ZNF521: variants seen among roughly 807,000 people sequenced by gnomAD.
The protein encoded by ZNF521 is LYST-interacting protein 3.
ZNF521 carries 14 observed loss-of-function variants against 105.5 expected under a neutral mutation model. That is an observed-to-expected ratio of 0.13 (90% confidence interval 0.09 to 0.21). The LOEUF (loss-of-function observed/expected upper bound fraction) is 0.21. ZNF521 is among the 10% of genes least tolerant of loss of function. The pLI, the probability that ZNF521 is intolerant of heterozygous loss-of-function variation, is 1.00. For missense variants in ZNF521, 1,233 were observed against 1,629.7 expected (o/e 0.76, Z 4.19); for synonymous variants, 635 against 606.0 (o/e 1.05, Z -0.70).
chr18:25,100,690 A>G (rs1188736937), intron 5 of ZNF521, among the ~76,000 whole-genome samples: 5 of 152,202 alleles, frequency 3.3e-5, no homozygotes, highest in Non-Finnish European at 7.4e-5. Context: ...TTAAAAAAAA[A>G]AAAGGTAATG....
At chr18:25,083,340 C>T (rs141309220) in intron 7 of ZNF521, among the ~76,000 whole-genome samples, 5 of 152,278 alleles carry the variant, frequency 3.3e-5, no homozygotes, top group African/African-American at 4.8e-5. Flanking sequence ...AAATTATTCT[C>T]GTAAGCTAGA....
At chr18:25,239,518 T>C (rs1351743701) in intron 3 of ZNF521, among the ~76,000 whole-genome samples, 1 of 152,174 alleles carries the variant, frequency 6.6e-6, no homozygotes, top group East Asian at 1.9e-4. Flanking sequence ...AGAAAGAAGG[T>C]TGTCACAAAA....
chr18:25,180,999 T>G (rs28508183), intron 5 of ZNF521, among the ~76,000 whole-genome samples: 26,694 of 152,094 alleles, frequency 0.18, 2,483 homozygotes, highest in East Asian at 0.34. Flanking sequence ...TCAGCAGGTT[T>G]ACTCCAGATT....
intron 5 of ZNF521, among the ~76,000 whole-genome samples, chr18:25,142,822 T>C (rs959936020): frequency 2.0e-5 from 3 of 152,208 alleles, no homozygotes; most frequent in Non-Finnish European, 4.4e-5. Context: ...TGATAATTTC[T>C]ATTAGTTTTA....
chr18:25,114,578 A>G (rs1313347612), intron 5 of ZNF521, among the ~76,000 whole-genome samples: 2 of 152,358 alleles, frequency 1.3e-5, no homozygotes, highest in South Asian at 4.1e-4. Flanking sequence ...GTCACAAATC[A>G]TAGTCCTTTT....
chr18:25,238,916 C>A (rs1907114712), intron 3 of ZNF521, among the ~76,000 whole-genome samples: 1 of 152,156 alleles, frequency 6.6e-6, no homozygotes, highest in African/African-American at 2.4e-5. Flanking sequence ...TGAGTCTTCA[C>A]CTGCATTCCC....
intron 4 of ZNF521, 92 bp from the exon 5 acceptor site, chr18:25,195,336 A>G: frequency 9.7e-7 from 1 of 1,027,512 alleles, no homozygotes; most frequent in South Asian, 1.5e-5. Context: ...TGCTGATCTT[A>G]CCTATGTTGC....
intron 4 of ZNF521, among the ~76,000 whole-genome samples, chr18:25,210,732 C>T (rs1019937790): frequency 1.3e-5 from 2 of 152,168 alleles, no homozygotes; most frequent in East Asian, 3.9e-4. Context: ...AAGTAACTAA[C>T]CGGGGACCCA....
At chr18:25,195,992 T>A (rs914291151) in intron 4 of ZNF521, among the ~76,000 whole-genome samples, 2 of 151,770 alleles carry the variant, frequency 1.3e-5, no homozygotes, top group Non-Finnish European at 3.0e-5. Flanking sequence ...GAAATACTTT[T>A]GATTCTAAAT....
rs116142901 is a variant in ZNF521, at chr18:25,227,047, C to T, written c.871G>A (p.Val291Ile). The change falls in exon 4 of 8, where the codon GTA becomes ATA. Residue 291 changes from valine to isoleucine, a missense_variant. Val to Ile is a conservative substitution (Grantham distance 29). Transcript: ENST00000361524. This position sits in a 1 kb window ranked among gnomAD's most constrained non-coding sequence, Gnocchi z 5.7. The part of the protein sequence containing the change: ...LQCVYCHELF[V>I]EETSLMNHME... ...TGGTTCATGAGGGAGGTCTCCTCTA[C>T]GAAGAGCTCGTGGCAGTAGACACAC... 82 of 1,614,126 alleles carry T rather than the reference C, an allele frequency of 5.1e-5. No individual in the cohort carries two copies. The highest frequency in any genetic ancestry group is 5.9e-5 in the Non-Finnish European group (70 of 1,180,014).
intron 5 of ZNF521, among the ~76,000 whole-genome samples, chr18:25,137,178 C>T (rs2034751185): frequency 6.6e-6 from 1 of 152,190 alleles, no homozygotes; most frequent in Admixed American, 6.5e-5. Flanking sequence ...TAATGTCCTT[C>T]CTGAAAACTC....
At chr18:25,326,142 T>A (rs1167599394) in intron 2 of ZNF521, among the ~76,000 whole-genome samples, 9 of 152,144 alleles carry the variant, frequency 5.9e-5, no homozygotes, top group Admixed American at 5.9e-4. Flanking sequence ...TATATAAAAG[T>A]CAAGTAAAAG....
chr18:25,097,576 G>A (rs890265534), intron 5 of ZNF521, among the ~76,000 whole-genome samples: 1 of 152,016 alleles, frequency 6.6e-6, no homozygotes, highest in Non-Finnish European at 1.5e-5. Flanking sequence ...GTATTTCTAC[G>A]CCACATGAGA....
chr18:25,108,541 C>A (rs2034119114), intron 5 of ZNF521, among the ~76,000 whole-genome samples: 1 of 151,990 alleles, frequency 6.6e-6, no homozygotes. Flanking sequence ...CATTTTAAAA[C>A]CTGTTTCCCA....
At chr18:25,157,305 A>G (rs1362514196) in intron 5 of ZNF521, among the ~76,000 whole-genome samples, 1 of 152,236 alleles carries the variant, frequency 6.6e-6, no homozygotes, top group Non-Finnish European at 1.5e-5. Flanking sequence ...TTTAAAATGT[A>G]AAATGTCTGT....
At chr18:25,213,503 A>C (rs1284542226) in intron 4 of ZNF521, among the ~76,000 whole-genome samples, 2 of 151,988 alleles carry the variant, frequency 1.3e-5, no homozygotes, top group Non-Finnish European at 2.9e-5. Context: ...ACCTATTTCA[A>C]TCATAATGTA....
chr18:25,194,132 CT>C (rs2035864554), intron 5 of ZNF521, among the ~76,000 whole-genome samples: 1 of 151,730 alleles, frequency 6.6e-6, no homozygotes, highest in African/African-American at 2.4e-5. Flanking sequence ...TTATTCCCCC[CT>C]GAAAACAAGT....
chr18:25,120,586 A>ACAAAAAC (rs202225807), intron 5 of ZNF521, among the ~76,000 whole-genome samples: 2 of 146,526 alleles, frequency 1.4e-5, no homozygotes, highest in Admixed American at 6.7e-5. Flanking sequence ...TCCATCTAAA[A>ACAAAAAC]AAAAAAAAAA....
At chr18:25,338,372 A>G (rs1266891298) in intron 2 of ZNF521, among the ~76,000 whole-genome samples, 1 of 151,720 alleles carries the variant, frequency 6.6e-6, no homozygotes, top group Non-Finnish European at 1.5e-5. Context: ...AAGTGCTAGT[A>G]GACATATTAC....
Sources: gnomAD v4.1 joint callset for allele counts (sites outside exome capture counted in the v4.1 genomes callset) on GRCh38, gnomAD v4.1.1 for gene constraint, Gnocchi (gnomAD v3.1) non-coding constraint, MANE v1.5 for transcripts, NCBI Gene and HGNC (gene_info 2026-07-23, HGNC 2026-07-21) for gene names.